Variants in KLF7 observed in about 807,000 individuals in gnomAD.
KLF7 encodes the protein KLF transcription factor 7, also known as Krueppel-like factor 7.
In KLF7, 2 loss-of-function variants were observed where a neutral mutation model predicts 27.3. The ratio of observed to expected loss-of-function variants is 0.07; its 90% CI spans 0.03 to 0.23. The LOEUF is 0.23. Ranked by LOEUF, KLF7 falls within the 10% of genes least tolerant of loss-of-function variation. The probability of loss-of-function intolerance (pLI) is 1.00; values close to 1 mark genes in which losing one functional copy is unlikely to be tolerated. For missense variants in KLF7, 221 were observed against 394.1 expected, an observed-to-expected ratio of 0.56 and a Z score of 3.72; for synonymous variants, 165 against 162.4, an observed-to-expected ratio of 1.02 and a Z score of -0.12.
chr2:207,090,054 A>C (rs1218576592), intron 2 of KLF7, among the ~76,000 whole-genome samples: 1 of 152,214 alleles, frequency 6.6e-6, no homozygotes, highest in Non-Finnish European at 1.5e-5. Context: ...TGTATCACCT[A>C]GAATCAAACC....
intron 2 of KLF7, among the ~76,000 whole-genome samples, chr2:207,098,552 C>A (rs564052095): frequency 3.9e-5 from 6 of 152,020 alleles, no homozygotes; most frequent in Non-Finnish European, 8.8e-5. Flanking sequence ...TTTTTGTTTT[C>A]AAATGTAAAG....
At chr2:207,123,733 G>C in intron 2 of KLF7, 41 bp downstream of exon 2, 1 of 1,576,242 alleles carries the variant, frequency 6.3e-7, no homozygotes, top group Non-Finnish European at 8.6e-7. Context: ...GGCTACAGGA[G>C]GGGAAAGAAG....
chr2:207,129,626 C>T (rs2077570818), intron 1 of KLF7, among the ~76,000 whole-genome samples: 1 of 152,168 alleles, frequency 6.6e-6, no homozygotes, highest in Non-Finnish European at 1.5e-5. Context: ...CTTGTTGCAA[C>T]ACACTTATTA....
At chr2:207,114,703 T>A (rs1229044550) in intron 2 of KLF7, among the ~76,000 whole-genome samples, 1 of 152,168 alleles carries the variant, frequency 6.6e-6, no homozygotes, top group Non-Finnish European at 1.5e-5. Context: ...AAAACATCCC[T>A]GCTAGGAAAA....
At chr2:207,126,582 A>G (rs1399829984) in intron 1 of KLF7, among the ~76,000 whole-genome samples, 1 of 152,204 alleles carries the variant, frequency 6.6e-6, no homozygotes, top group African/African-American at 2.4e-5. Flanking sequence ...TTTGAGACAC[A>G]GATATGTTTT....
intron 2 of KLF7, among the ~76,000 whole-genome samples, chr2:207,108,723 T>C (rs2076948865): frequency 6.6e-6 from 1 of 152,262 alleles, no homozygotes; most frequent in Non-Finnish European, 1.5e-5. Context: ...TTGGGATCTT[T>C]GCCAATGAAT....
At position 207,075,123 on chromosome 2, in the gene KLF7, A is replaced by AAT. The variant is rs540068313; in HGVS notation, c.*6089_*6090insAT. 36 of 152,304 alleles carry AAT rather than the reference A, an allele frequency of 2.4e-4. No individual in the cohort carries two copies. The East Asian group carries it at 6.7e-3, about 29-fold the overall frequency. 9.4% of individuals were successfully genotyped at this position (152,304 alleles called of 1,614,324 possible). A position where few individuals can be genotyped will look rare whatever the true frequency, so the allele number is the denominator to read the frequency against. Reference sequence around the variant, plus strand: ...AAACACATTCTACTGTTTATTACACATATTACATTCTTAAATAAAAATGCG... The same window carrying AAT: ...AAACACATTCTACTGTTTATTACACAATTATTACATTCTTAAATAAAAATGCG... On this transcript the variant is annotated 3_prime_UTR_variant, in exon 4 of 4. Transcript: ENST00000309446.
intron 2 of KLF7, among the ~76,000 whole-genome samples, chr2:207,098,753 G>C (rs1344078024): frequency 6.7e-6 from 1 of 149,486 alleles, no homozygotes; most frequent in Non-Finnish European, 1.5e-5. Flanking sequence ...GGGACTACAG[G>C]CTCTGGTGCC....
rs1263100556 is a variant in KLF7 at position 207,165,891 on chromosome 2, AG to A, written c.-324del. The A allele has an allele frequency of 1.8e-5, 21 of 1,156,110 alleles. No homozygotes were observed. The highest frequency in any genetic ancestry group is 2.2e-5 in the Non-Finnish European group (21 of 934,216). The allele number at this position is 1,156,110 out of a possible 1,614,324, so 71.6% of individuals were successfully genotyped here. ...CTCTAATCACTCCAGCTCGTGGATCAGGAAGGGGGATGCAAACTCACTGACA... is the reference window on the plus strand; with the variant it reads ...CTCTAATCACTCCAGCTCGTGGATCAGAAGGGGGATGCAAACTCACTGACA... On this transcript the variant is annotated 5_prime_UTR_variant, in exon 1 of 4. Coordinates refer to ENST00000309446, the MANE Select transcript of KLF7 (RefSeq NM_003709.4).
rs900143829 is a variant in KLF7, at chr2:207,077,245, G to A, written c.*3968C>T. 4 of 152,200 alleles carry A rather than the reference G, an allele frequency of 2.6e-5. No individual in the cohort carries two copies. Among genetic ancestry groups the A allele is most frequent in the African/African-American group, 4.8e-5 (2 of 41,450 alleles). The allele number at this position is 152,200 out of a possible 1,614,324, so 9.4% of individuals were successfully genotyped here. A position where few individuals can be genotyped will look rare whatever the true frequency, so the allele number is the denominator to read the frequency against. On this transcript the variant is annotated 3_prime_UTR_variant, in exon 4 of 4. Transcript: ENST00000309446. ...GAATAAAGGCAAGAGGCAATGTTCC[G>A]AATGCACTGGAAGAGCCATCCAAAA... is the stretch of plus-strand genomic sequence containing the variant.
At chr2:207,094,648 A>G (rs1209574496) in intron 2 of KLF7, among the ~76,000 whole-genome samples, 1 of 152,270 alleles carries the variant, frequency 6.6e-6, no homozygotes, top group African/African-American at 2.4e-5. Flanking sequence ...CAATGGAAAC[A>G]GAGTAACCGG....
At chr2:207,092,300 T>C (rs1017514668) in intron 2 of KLF7, among the ~76,000 whole-genome samples, 5 of 152,188 alleles carry the variant, frequency 3.3e-5, no homozygotes, top group Admixed American at 3.3e-4. Flanking sequence ...GAAGGGCATG[T>C]GAGTGAAGGC....
chr2:207,110,333 A>G (rs549131453), intron 2 of KLF7, among the ~76,000 whole-genome samples: 58 of 152,372 alleles, frequency 3.8e-4, no homozygotes, highest in Admixed American at 5.9e-4. Flanking sequence ...TTTACCAATA[A>G]AAGTTTTATT....
intron 2 of KLF7, among the ~76,000 whole-genome samples, chr2:207,114,866 T>C (rs1350644673): frequency 6.6e-6 from 1 of 152,200 alleles, no homozygotes; most frequent in Non-Finnish European, 1.5e-5. Flanking sequence ...TTTTAGCTCA[T>C]CTAGTGAAAC....
chr2:207,152,236 G>C (rs1349682174), intron 1 of KLF7, among the ~76,000 whole-genome samples: 2 of 148,022 alleles, frequency 1.4e-5, no homozygotes, highest in African/African-American at 2.5e-5. Flanking sequence ...TTCTATGTCA[G>C]ACTAAGAAAA....
At position 207,080,454 on chromosome 2, in the gene KLF7, G is replaced by A. The variant is rs1432557035; in HGVS notation, c.*759C>T. On this transcript the variant is annotated 3_prime_UTR_variant, in exon 4 of 4. Coordinates refer to ENST00000309446, the MANE Select transcript of KLF7 (RefSeq NM_003709.4). ...GCATATGGTGTGCAAAAGTCAAAAC[G>A]TAAGAAAAGAAAACTCCTCCCTTGA... The A allele has an allele frequency of 1.1e-5, 2 of 174,954 alleles. No homozygotes were observed. Among genetic ancestry groups the A allele is most frequent in the Non-Finnish European group, 2.4e-5 (2 of 83,306 alleles). The allele number at this position is 174,954 out of a possible 1,614,324, so 10.8% of individuals were successfully genotyped here.
intron 1 of KLF7, chr2:207,149,005 T>G (rs2078171284): frequency 8.6e-7 from 1 of 1,160,168 alleles, no homozygotes; most frequent in Non-Finnish European, 1.1e-6. Context: ...TGTCCTTCCT[T>G]TTGTTCAAGA....
intron 1 of KLF7, among the ~76,000 whole-genome samples, chr2:207,143,109 A>C (rs534426778): frequency 6.6e-6 from 1 of 152,326 alleles, no homozygotes; most frequent in South Asian, 2.1e-4. Context: ...CAACAACAAA[A>C]ACATAACAAA....
intron 2 of KLF7, among the ~76,000 whole-genome samples, chr2:207,119,859 C>T (rs558248743): frequency 2.6e-5 from 4 of 152,218 alleles, no homozygotes; most frequent in South Asian, 2.1e-4. Flanking sequence ...ACGCGCCACA[C>T]GCCCAGCTAA....
Sources: allele counts gnomAD v4.1 joint callset (sites outside exome capture counted in the v4.1 genomes callset), GRCh38; gene constraint gnomAD v4.1.1; transcripts MANE v1.5; gene names NCBI Gene and HGNC (gene_info 2026-07-23, HGNC 2026-07-21).